Variants in CAB39L observed in about 807,000 individuals in gnomAD.
CAB39L encodes the protein calcium binding protein 39 like, also known as calcium-binding protein 39-like.
CAB39L carries 23 observed loss-of-function variants against 39.1 expected under a neutral mutation model. The observed-to-expected ratio is 0.59, with a 90% confidence interval of 0.42 to 0.83. The LOEUF (loss-of-function observed/expected upper bound fraction) is 0.83, where lower values mean the gene tolerates loss of function less well. CAB39L is among the 40% of genes least tolerant of loss of function. The pLI is 0.00. For missense variants in CAB39L, 366 were observed against 391.9 expected (o/e 0.93, Z 0.56); for synonymous variants, 126 against 137.2 (o/e 0.92, Z 0.57).
At chr13:49,427,161 G>A (rs1169177441) in intron 3 of CAB39L, among the ~76,000 whole-genome samples, 3 of 152,092 alleles carry the variant, frequency 2.0e-5, no homozygotes, top group Non-Finnish European at 4.4e-5. Context: ...ATTACTACAG[G>A]TGACAGTGTT....
In CAB39L at chr13:49,349,455, C is replaced by CATATATAT. The variant is rs34379188; in HGVS notation, c.564+1281_564+1288dup. On this transcript the variant is annotated intron_variant, in intron 7 of 10. Transcript: ENST00000409308. ...GCTTTTGAAGAAATGAATCTGAATA[C>CATATATAT]ATATATATATATATATATATATACA... Among the ~76,000 whole-genome samples the CATATATAT allele has an allele frequency of 2.7e-3, 381 of 141,796 alleles. 1 individual carries two copies. Among genetic ancestry groups the CATATATAT allele is most frequent in the African/African-American group, 9.1e-3 (352 of 38,870 alleles). The allele number at this position is 141,796 out of a possible 152,430, so 93.0% of individuals were successfully genotyped here. A position where few individuals can be genotyped will look rare whatever the true frequency, so the allele number is the denominator to read the frequency against.
chr13:49,431,323 G>A (rs967730146), intron 3 of CAB39L, among the ~76,000 whole-genome samples: 1 of 152,104 alleles, frequency 6.6e-6, no homozygotes, highest in African/African-American at 2.4e-5. Flanking sequence ...ATATTGCTGA[G>A]GAGTATTCCA....
At chr13:49,359,863 T>C (rs1324524931) in intron 5 of CAB39L, 31 bp from the exon 6 acceptor site, 2 of 1,213,952 alleles carry the variant, frequency 1.6e-6, no homozygotes, top group African/African-American at 3.0e-5. Flanking sequence ...AATTAAATTG[T>C]ACACTCTAAA....
chr13:49,390,331 C>T (rs1041346012), intron 3 of CAB39L, among the ~76,000 whole-genome samples: 3 of 152,126 alleles, frequency 2.0e-5, no homozygotes, highest in Non-Finnish European at 1.5e-5. Flanking sequence ...ACTGCAGCCT[C>T]GAACTCCTGA....
At chr13:49,325,048 G>A (rs528190292) in intron 10 of CAB39L, among the ~76,000 whole-genome samples, 40 of 152,292 alleles carry the variant, frequency 2.6e-4, no homozygotes, top group East Asian at 9.7e-4. Flanking sequence ...AAACAGAGCC[G>A]TAAGTAACAT....
At chr13:49,436,828 T>C (rs1957426309) in intron 1 of CAB39L, among the ~76,000 whole-genome samples, 1 of 152,210 alleles carries the variant, frequency 6.6e-6, no homozygotes, top group African/African-American at 2.4e-5. Context: ...CAAATGTTAG[T>C]TTAAGGATAT....
chr13:49,313,701 A>G (rs994649999), intron 10 of CAB39L, among the ~76,000 whole-genome samples: 3 of 152,196 alleles, frequency 2.0e-5, no homozygotes, highest in African/African-American at 2.4e-5. Context: ...CATGACCAGA[A>G]TGCAGATCAA....
chr13:49,363,398 C>A (rs879046569), intron 5 of CAB39L, among the ~76,000 whole-genome samples: 2 of 152,090 alleles, frequency 1.3e-5, no homozygotes, highest in Non-Finnish European at 1.5e-5. Flanking sequence ...CTGTGCATTT[C>A]TTTATGTAAT....
chr13:49,422,678 G>C (rs1022872520), intron 3 of CAB39L, among the ~76,000 whole-genome samples: 1 of 151,462 alleles, frequency 6.6e-6, no homozygotes, highest in Admixed American at 6.6e-5. Flanking sequence ...CAAACTCCCA[G>C]GTTCAGTGAT....
At chr13:49,409,937 A>G (rs1195948191) in intron 3 of CAB39L, among the ~76,000 whole-genome samples, 1 of 151,932 alleles carries the variant, frequency 6.6e-6, no homozygotes, top group East Asian at 1.9e-4. Flanking sequence ...ATCCACATAA[A>G]TACAGTAAGA....
chr13:49,381,196 G>C (rs957120961), intron 4 of CAB39L, among the ~76,000 whole-genome samples: 3 of 152,168 alleles, frequency 2.0e-5, no homozygotes, highest in African/African-American at 7.2e-5. Flanking sequence ...GCGAAGTGCT[G>C]GGATTACAGG....
chr13:49,347,045 C>CA lies in CAB39L; in HGVS notation c.565-2808dup, dbSNP rs371092197. 5.1e-3 allele frequency among the ~76,000 whole-genome samples: 780 copies of CA among 151,928 alleles called. 5 individuals are homozygous for CA. The highest frequency in any genetic ancestry group is 0.017 in the African/African-American group (699 of 41,462). Reference sequence around the variant, plus strand: ...GTTATAAAAAACCCAAAACCAATGCCAAAATCAAGTCAATCATCCAACCAA... The same window carrying CA: ...GTTATAAAAAACCCAAAACCAATGCCAAAAATCAAGTCAATCATCCAACCAA... On this transcript the variant is annotated intron_variant, in intron 7 of 10. Coordinates refer to ENST00000409308, the MANE Select transcript of CAB39L (RefSeq NM_001079670.3).
At chr13:49,320,648 G>A (rs555748513) in intron 10 of CAB39L, among the ~76,000 whole-genome samples, 5 of 152,246 alleles carry the variant, frequency 3.3e-5, no homozygotes, top group Non-Finnish European at 5.9e-5. Flanking sequence ...CCTTTGATGC[G>A]TGCTGCAAGC....
At chr13:49,344,504 G>C (rs945395275) in intron 7 of CAB39L, among the ~76,000 whole-genome samples, 20 of 150,614 alleles carry the variant, frequency 1.3e-4, no homozygotes, top group African/African-American at 4.9e-4. Flanking sequence ...GAAACAAATG[G>C]AACTTGAGAT....
intron 3 of CAB39L, among the ~76,000 whole-genome samples, chr13:49,383,158 GT>G (rs1956284371): frequency 6.6e-6 from 1 of 151,860 alleles, no homozygotes; most frequent in Non-Finnish European, 1.5e-5. Context: ...TTTATACAAA[GT>G]TTAAAATCTT....
chr13:49,329,993 G>C (rs1163880870), intron 10 of CAB39L, among the ~76,000 whole-genome samples: 1 of 152,084 alleles, frequency 6.6e-6, no homozygotes, highest in Non-Finnish European at 1.5e-5. Context: ...GGCTAAACGT[G>C]AATCTTGAGT....
chr13:49,405,044 T>C (rs767563341), intron 3 of CAB39L, among the ~76,000 whole-genome samples: 1 of 151,934 alleles, frequency 6.6e-6, no homozygotes, highest in Non-Finnish European at 1.5e-5. Context: ...TTCCCAAATG[T>C]AGAGAAAGAT....
chr13:49,375,970 C>A (rs1366446678), intron 5 of CAB39L, among the ~76,000 whole-genome samples: 1 of 152,208 alleles, frequency 6.6e-6, no homozygotes, highest in Non-Finnish European at 1.5e-5. Context: ...CACAACTGGA[C>A]TGCACGCCTC....
At chr13:49,343,169 C>A (rs1460659950) in intron 8 of CAB39L, among the ~76,000 whole-genome samples, 2 of 152,140 alleles carry the variant, frequency 1.3e-5, no homozygotes, top group Non-Finnish European at 2.9e-5. Flanking sequence ...CTATTGCTTA[C>A]ACATTTAGTA....
Sources: gnomAD v4.1 joint callset for allele counts (sites outside exome capture counted in the v4.1 genomes callset) on GRCh38, gnomAD v4.1.1 for gene constraint, MANE v1.5 for transcripts, NCBI Gene and HGNC (gene_info 2026-07-23, HGNC 2026-07-21) for gene names.